Variants in CLIP2 observed in about 807,000 individuals in gnomAD.
The protein encoded by CLIP2 is CAP-Gly domain-containing linker protein 2.
Under a neutral mutation model 111.7 loss-of-function variants are expected in CLIP2, and 41 were observed. The ratio of observed to expected loss-of-function variants is 0.37; its 90% confidence interval spans 0.29 to 0.48. CLIP2 has a LOEUF of 0.48. Ranked by LOEUF, CLIP2 falls within the 20% of genes least tolerant of loss-of-function variation. CLIP2 has a pLI of 0.99. For synonymous variants in CLIP2, 660 were observed against 644.2 expected, an observed-to-expected ratio of 1.02 and a Z score of -0.37; for missense variants, 1,160 against 1,422.1, an observed-to-expected ratio of 0.82 and a Z score of 2.96.
At chr7:74,377,033 C>T (rs932398356) in intron 10 of CLIP2, among the ~76,000 whole-genome samples, 1 of 152,034 alleles carries the variant, frequency 6.6e-6, no homozygotes, top group Non-Finnish European at 1.5e-5. Flanking sequence ...CAGGGAGAAC[C>T]GAAGCTGGTC....
At chr7:74,365,476 C>A (rs1268830305) in intron 8 of CLIP2, among the ~76,000 whole-genome samples, 2 of 152,170 alleles carry the variant, frequency 1.3e-5, no homozygotes, top group African/African-American at 4.8e-5. Flanking sequence ...TGCTCTTCTC[C>A]CAGCCCCGCC....
chr7:74,373,497 C>A (rs782547947), intron 9 of CLIP2, among the ~76,000 whole-genome samples: 9 of 150,842 alleles, frequency 6.0e-5, no homozygotes, highest in Admixed American at 2.6e-4. Flanking sequence ...GACTCCGCCT[C>A]AAAAACAAAA....
rs1554311592 is a variant in CLIP2 at position 74,370,155 on chromosome 7, C to CAG, written c.1381-2776_1381-2775insGA. On this transcript the variant is annotated intron_variant, in intron 8 of 16. Transcript: ENST00000223398. ...TGAGTAACAGAGCGAGACTCTGCCT[C>CAG]AAAAAAAAAAAAAAAAAAAATCCAG... Among the ~76,000 whole-genome samples the CAG allele has an allele frequency of 4.3e-4, 14 of 32,902 alleles. No homozygotes were observed. In the East Asian group the frequency reaches 0.012, roughly 28 times the overall value. The allele number at this position is 32,902 out of a possible 152,430, so 21.6% of individuals were successfully genotyped here.
rs1419455133 is a variant in CLIP2 at position 74,403,932 on chromosome 7, G to A, written c.*84G>A. The A allele has an allele frequency of 1.5e-5, 21 of 1,437,148 alleles. No individual in the cohort carries two copies. The Admixed American group carries it at 1.5e-4, about 10-fold the overall frequency. 89.0% of individuals were successfully genotyped at this position (1,437,148 alleles called of 1,614,324 possible). A position where few individuals can be genotyped will look rare whatever the true frequency, so the allele number is the denominator to read the frequency against. On this transcript the variant is annotated 3_prime_UTR_variant, in exon 17 of 17. Transcript: ENST00000223398. ...GCAGTACCTCCTCCAGGCAGGAGCC[G>A]GGACTGTCACTTTGGAGACAAAACA...
chr7:74,347,057 A>G (rs1325780761), intron 3 of CLIP2, among the ~76,000 whole-genome samples: 1 of 151,818 alleles, frequency 6.6e-6, no homozygotes. Context: ...AAACAAAACA[A>G]AAAGAAAAAC....
chr7:74,309,347 A>G (rs1554728177), intron 1 of CLIP2, among the ~76,000 whole-genome samples: 1 of 152,106 alleles, frequency 6.6e-6, no homozygotes, highest in Non-Finnish European at 1.5e-5. Context: ...GACTTCTAGT[A>G]TAAACATAGA....
At position 74,376,382 on chromosome 7, in the gene CLIP2, C is replaced by G. The variant is rs782123063; in HGVS notation, c.1981C>G (p.Gln661Glu). Residue 661 changes from glutamine to glutamate, a missense_variant, in exon 10 of 17, where the codon CAG (glutamine) becomes GAG (glutamate). Gln to Glu is a conservative substitution (Grantham distance 29). Coordinates refer to ENST00000223398, the MANE Select transcript of CLIP2 (RefSeq NM_003388.5). This position sits in a 1 kb window ranked among gnomAD's most constrained non-coding sequence, Gnocchi z 7.1. ...AVMEGIKMEH[Q>E]LELGNLQAKH... The stretch of plus-strand genomic sequence containing the variant: ...GATGGAGGGCATCAAGATGGAGCAC[C>G]AGCTGGAGCTGGGTAACTTGCAGGC... The G allele has an allele frequency of 6.1e-5, 99 of 1,613,932 alleles. No homozygotes were observed. Among genetic ancestry groups the G allele is most frequent in the Non-Finnish European group, 7.6e-5 (90 of 1,180,038 alleles).
At chr7:74,327,011 A>G (rs1300474486) in intron 2 of CLIP2, among the ~76,000 whole-genome samples, 1 of 152,128 alleles carries the variant, frequency 6.6e-6, no homozygotes, top group Non-Finnish European at 1.5e-5. Context: ...GCTCACTGCA[A>G]CCTCCACCTC....
intron 1 of CLIP2, among the ~76,000 whole-genome samples, chr7:74,293,059 C>T (rs562689143): frequency 6.6e-5 from 10 of 152,170 alleles, no homozygotes; most frequent in Non-Finnish European, 1.2e-4. Context: ...CTAAGGCTGA[C>T]GTGGCCCCTT....
intron 7 of CLIP2, among the ~76,000 whole-genome samples, chr7:74,361,176 T>TTTCCTTCCTTCCCTCCTTCCTTCC (rs1790319122): frequency 1.6e-5 from 1 of 62,016 alleles, no homozygotes; most frequent in Non-Finnish European, 3.3e-5. Flanking sequence ...CCCTCCCTTC[T>TTTCCTTCCTTCCCTCCTTCCTTCC]TTCCTTCCTT....
intron 2 of CLIP2, among the ~76,000 whole-genome samples, chr7:74,326,312 A>AGACTCAT (rs1789104593): frequency 6.6e-6 from 1 of 152,130 alleles, no homozygotes; most frequent in African/African-American, 2.4e-5. Flanking sequence ...GCCAGAGCTG[A>AGACTCAT]GACTCATGCC....
intron 1 of CLIP2, among the ~76,000 whole-genome samples, chr7:74,291,881 C>G (rs1788030891): frequency 6.6e-6 from 1 of 152,062 alleles, no homozygotes; most frequent in South Asian, 2.1e-4. Context: ...CCCTCTTGGC[C>G]TCCCCTCCTG....
chr7:74,347,574 G>C (rs1357652601), intron 3 of CLIP2, among the ~76,000 whole-genome samples: 1 of 151,990 alleles, frequency 6.6e-6, no homozygotes, highest in Non-Finnish European at 1.5e-5. Flanking sequence ...GGCCAAACGC[G>C]CTGTACTCTA....
chr7:74,393,375 T>G (rs1426115663), intron 13 of CLIP2, among the ~76,000 whole-genome samples: 1 of 148,390 alleles, frequency 6.7e-6, no homozygotes, highest in African/African-American at 2.5e-5. Flanking sequence ...TTGCTCTTGT[T>G]GTCCAGGCTG....
At chr7:74,372,855 C>T (rs1372062704) in intron 8 of CLIP2, 77 bp from the exon 9 acceptor site, 9 of 770,518 alleles carry the variant, frequency 1.2e-5, no homozygotes, top group African/African-American at 3.5e-5. Context: ...TCTCTCTCTC[C>T]GGCTTCTTCT....
At chr7:74,384,273 AC>A (rs1791021763) in intron 11 of CLIP2, among the ~76,000 whole-genome samples, 1 of 152,064 alleles carries the variant, frequency 6.6e-6, no homozygotes, top group Non-Finnish European at 1.5e-5. Flanking sequence ...GTATGGACAT[AC>A]CGCATTTTGT....
At chr7:74,353,155 AAAAAAG>A (rs1232661971) in intron 3 of CLIP2, among the ~76,000 whole-genome samples, 1 of 151,696 alleles carries the variant, frequency 6.6e-6, no homozygotes, top group Non-Finnish European at 1.5e-5. Context: ...TATCTCAAAA[AAAAAAG>A]AAAAAGAAAA....
intron 1 of CLIP2, among the ~76,000 whole-genome samples, chr7:74,297,133 TC>T (rs1788192689): frequency 6.6e-6 from 1 of 152,082 alleles, no homozygotes; most frequent in African/African-American, 2.4e-5. Context: ...AGCTGCGGAA[TC>T]CTGGTGTAAG....
At chr7:74,304,380 G>T (rs1469789111) in intron 1 of CLIP2, among the ~76,000 whole-genome samples, 1 of 151,910 alleles carries the variant, frequency 6.6e-6, no homozygotes, top group African/African-American at 2.4e-5. Flanking sequence ...ACAAAAATTA[G>T]CTGGGCATGA....
Sources: gnomAD v4.1 joint callset for allele counts (sites outside exome capture counted in the v4.1 genomes callset) on GRCh38, gnomAD v4.1.1 for gene constraint, Gnocchi (gnomAD v3.1) non-coding constraint, MANE v1.5 for transcripts, NCBI Gene and HGNC (gene_info 2026-07-23, HGNC 2026-07-21) for gene names.